The following TBL1Y variants were observed in gnomAD, a reference collection of about 807,000 sequenced individuals.
TBL1Y encodes the protein transducin beta like 1 Y-linked.
Under a neutral mutation model 12.0 loss-of-function variants are expected in TBL1Y, and 15 were observed. That is an observed-to-expected ratio of 1.25 (90% CI 0.83 to 1.92). The LOEUF is 1.92. Among genes scored for constraint, TBL1Y ranks in the 40% most tolerant of loss-of-function variants. TBL1Y has a pLI of 0.00. For missense variants in TBL1Y, 148 were observed against 116.7 expected, an observed-to-expected ratio of 1.27 and a Z score of -1.24; for synonymous variants, 53 against 42.6, an observed-to-expected ratio of 1.24 and a Z score of -0.95.
chrY:7,017,208 G>A, intron 4 of TBL1Y, among the ~76,000 whole-genome samples: 1 of 33,354 alleles, frequency 3.0e-5, no homozygotes, highest in East Asian at 7.9e-4. Flanking sequence ...TGACTACTAA[G>A]CCTGGAGTTC....
chrY:7,048,929 C>T (rs2012777981), intron 7 of TBL1Y, among the ~76,000 whole-genome samples: 1 of 32,659 alleles, frequency 3.1e-5, no homozygotes, highest in Non-Finnish European at 7.5e-5. Context: ...ATGTGCACAA[C>T]GTGCAGGTTT....
rs748810727 is a variant in TBL1Y, at chrY:7,064,116, G to C, written c.424G>C (p.Val142Leu). ...TCCTCCAAAGAACCGAGAGGCCACAGTGAACGGGGAAGAGAATGGAGCACA... is the reference window on the plus strand; with the variant it reads ...TCCTCCAAAGAACCGAGAGGCCACACTGAACGGGGAAGAGAATGGAGCACA... Reference protein sequence around the residue: ...QNPPKNREATVNGEENGAHEI... With the variant: ...QNPPKNREATLNGEENGAHEI... Residue 142 changes from valine to leucine, a missense_variant, in exon 8 of 19, where the codon GTG becomes CTG. Val to Leu is a conservative substitution (Grantham distance 32). Coordinates refer to ENST00000383032, the MANE Select transcript of TBL1Y (RefSeq NM_033284.2). The C allele has an allele frequency of 2.5e-5, 10 of 398,625 alleles. No homozygotes were observed. The highest frequency in any genetic ancestry group is 1.8e-4 in the South Asian group (6 of 33,429).
intron 13 of TBL1Y, among the ~76,000 whole-genome samples, chrY:7,080,051 GTTTTTTTTTTTTTTT>G (rs1466829965): frequency 1.0e-3 from 4 of 3,951 alleles, no homozygotes; most frequent in South Asian, 6.9e-3. Context: ...GGGACTGTTT[GTTTTTTTTTTTTTTT>G]TTTTTTTTTT....
chrY:6,961,144 G>A (rs2012121974), intron 2 of TBL1Y, among the ~76,000 whole-genome samples: 1 of 33,536 alleles, frequency 3.0e-5, no homozygotes, highest in Non-Finnish European at 7.4e-5. Flanking sequence ...AATTAAGGGT[G>A]GGAAAGGCAC....
chrY:6,972,259 C>T (rs2012213277), intron 2 of TBL1Y, among the ~76,000 whole-genome samples: 1 of 32,868 alleles, frequency 3.0e-5, no homozygotes, highest in Non-Finnish European at 7.5e-5. Flanking sequence ...CTTCTCCTAC[C>T]CTCAGGCAAT....
In TBL1Y at chrY:7,074,584, A is replaced by G; in HGVS notation, c.919A>G (p.Thr307Ala). The G allele has an allele frequency of 4.0e-5, 16 of 398,351 alleles. No individual in the cohort carries two copies. The highest frequency in any genetic ancestry group is 6.1e-5 in the African/African-American group (1 of 16,357). The part of the protein sequence containing the change: ...DKTTIIWDAH[T>A]GEAKQQFPFH... The stretch of plus-strand genomic sequence containing the variant: ...GACAACAATAATTTGGGATGCTCAC[A>G]CAGGAGAAGCCAAACAGCAGTTTCC... The change falls in exon 13 of 19, where the codon ACA becomes GCA. Residue 307 changes from threonine (T) to alanine (A), a missense_variant. Coordinates refer to ENST00000383032, the MANE Select transcript of TBL1Y (RefSeq NM_033284.2).
At chrY:6,972,734 G>A (rs2012214996) in intron 2 of TBL1Y, among the ~76,000 whole-genome samples, 1 of 33,162 alleles carries the variant, frequency 3.0e-5, no homozygotes, top group Non-Finnish European at 7.4e-5. Flanking sequence ...AGCCCTTGTG[G>A]TCTGTCTCCT....
chrY:6,942,028 G>T (rs749246610), intron 2 of TBL1Y, among the ~76,000 whole-genome samples: 1 of 32,488 alleles, frequency 3.1e-5, no homozygotes, highest in African/African-American at 1.2e-4. Flanking sequence ...GGTGGTGTGC[G>T]CCTGTAATCT....
intron 2 of TBL1Y, among the ~76,000 whole-genome samples, chrY:6,930,911 A>G: frequency 3.0e-5 from 1 of 32,921 alleles, no homozygotes; most frequent in Non-Finnish European, 7.4e-5. Flanking sequence ...GGTCTGCACC[A>G]CCTTTAAGAG....
intron 4 of TBL1Y, among the ~76,000 whole-genome samples, chrY:7,002,569 T>A: frequency 3.0e-5 from 1 of 33,618 alleles, no homozygotes; most frequent in African/African-American, 1.2e-4. Flanking sequence ...TAGGCCGTAA[T>A]GTGGGAAATT....
intron 7 of TBL1Y, among the ~76,000 whole-genome samples, chrY:7,050,382 C>G: frequency 3.5e-5 from 1 of 28,652 alleles, no homozygotes; most frequent in Non-Finnish European, 8.0e-5. Flanking sequence ...ATAATCCCAG[C>G]TACTTGGGAG....
At chrY:6,933,893 C>G (rs752878307) in intron 2 of TBL1Y, among the ~76,000 whole-genome samples, 1 of 33,068 alleles carries the variant, frequency 3.0e-5, no homozygotes. Flanking sequence ...AAGTTTTGCA[C>G]CTGCTGATAG....
intron 6 of TBL1Y, among the ~76,000 whole-genome samples, chrY:7,032,656 C>T: frequency 3.0e-5 from 1 of 33,395 alleles, no homozygotes; most frequent in Admixed American, 2.7e-4. Flanking sequence ...GCTATTATCC[C>T]TCAGTGGATA....
intron 2 of TBL1Y, among the ~76,000 whole-genome samples, chrY:6,942,524 A>G (rs753191275): frequency 3.0e-5 from 1 of 32,885 alleles, no homozygotes; most frequent in African/African-American, 1.2e-4. Context: ...GATCCTGAAG[A>G]GTGAGCAGAG....
Position 7,064,068 on chromosome Y carries a change from C to G in TBL1Y, c.376C>G (p.Pro126Ala). The G allele has an allele frequency of 2.5e-6, 1 of 398,260 alleles. No individual in the cohort carries two copies. The highest frequency in any genetic ancestry group is 3.5e-6 in the Non-Finnish European group (1 of 283,358). Reference sequence around the variant, plus strand: ...AATGGCAAAGGCGGCAACCATGACCCCAGCTGCTATTTCCCAGCAAAATCC... The same window carrying G: ...AATGGCAAAGGCGGCAACCATGACCGCAGCTGCTATTTCCCAGCAAAATCC... The part of the protein sequence containing the change: ...SAMAKAATMT[P>A]AAISQQNPPK... The change falls in exon 8 of 19, where the codon CCA (proline) becomes GCA (alanine). Residue 126 changes from proline (P) to alanine (A), a missense_variant. By Grantham distance (27) the Pro-to-Ala change is conservative. Transcript: ENST00000383032.
rs745906445 is a variant in TBL1Y, at chrY:7,062,625, C to T, written c.205-1272C>T. On this transcript the variant is annotated intron_variant, in intron 7 of 18. Transcript: ENST00000383032. ...GGGGTCAGGTTCAAGGTTCAATGTC[C>T]GTTACTGAAAAATTCTCACCTTTTG... is the stretch of plus-strand genomic sequence containing the variant. Among the ~76,000 whole-genome samples the T allele has an allele frequency of 3.7e-4, 12 of 32,746 alleles. No individual in the cohort carries two copies. The East Asian group carries it at 6.6e-3, about 18-fold the overall frequency. 87.9% of individuals were successfully genotyped at this position (32,746 alleles called of 37,273 possible).
At chrY:7,077,869 G>T (rs756241464) in intron 13 of TBL1Y, among the ~76,000 whole-genome samples, 6 of 33,557 alleles carry the variant, frequency 1.8e-4, no homozygotes, top group African/African-American at 7.0e-4. Context: ...AGCATTGACT[G>T]CCTTTAAGAA....
chrY:7,008,125 A>C, intron 4 of TBL1Y, among the ~76,000 whole-genome samples: 1 of 33,861 alleles, frequency 3.0e-5, no homozygotes, highest in Non-Finnish European at 7.3e-5. Flanking sequence ...GATGACTCAC[A>C]CTGGGTATGA....
intron 2 of TBL1Y, among the ~76,000 whole-genome samples, chrY:6,970,708 C>T: frequency 2.9e-5 from 1 of 34,136 alleles, no homozygotes; most frequent in Non-Finnish European, 7.3e-5. Flanking sequence ...AAAAACATCC[C>T]ACTTGAATTC....
Sources: gnomAD v4.1 joint callset for allele counts (sites outside exome capture counted in the v4.1 genomes callset) on GRCh38, gnomAD v4.1.1 for gene constraint, MANE v1.5 for transcripts, NCBI Gene and HGNC (gene_info 2026-07-23, HGNC 2026-07-21) for gene names.